Variants in IL1RAPL1 observed in about 807,000 individuals in gnomAD.
IL1RAPL1 encodes the protein interleukin-1 receptor accessory protein-like 1.
In IL1RAPL1, 3 loss-of-function variants were observed where a neutral mutation model predicts 48.4. That is an observed-to-expected ratio of 0.06 (90% CI 0.03 to 0.16). IL1RAPL1 has a LOEUF of 0.16. Ranked by LOEUF, IL1RAPL1 falls within the 10% of genes least tolerant of loss-of-function variation. IL1RAPL1 has a pLI of 1.00. For synonymous variants in IL1RAPL1, 185 were observed against 187.7 expected, an observed-to-expected ratio of 0.99 and a Z score of 0.12; for missense variants, 349 against 530.6, an observed-to-expected ratio of 0.66 and a Z score of 3.36.
intron 6 of IL1RAPL1, among the ~76,000 whole-genome samples, chrX:29,873,893 C>T (rs984819494): frequency 8.9e-6 from 1 of 111,959 alleles, no homozygotes; most frequent in African/African-American, 3.2e-5. Flanking sequence ...ACGAGGTTAT[C>T]TGTTAGTGCC....
chrX:29,651,759 G>C (rs770238543), intron 5 of IL1RAPL1, among the ~76,000 whole-genome samples: 1 of 111,736 alleles, frequency 8.9e-6, no homozygotes, highest in Non-Finnish European at 1.9e-5. Flanking sequence ...CAAATGCAGA[G>C]ACTGGATGTT....
At chrX:29,687,881 G>C (rs1926671541) in intron 6 of IL1RAPL1, among the ~76,000 whole-genome samples, 2 of 111,705 alleles carry the variant, frequency 1.8e-5, no homozygotes, top group Admixed American at 1.9e-4. Flanking sequence ...TGCTCTCCAT[G>C]TGAGGGAGCT....
intron 5 of IL1RAPL1, among the ~76,000 whole-genome samples, chrX:29,406,367 C>T (rs772696929): frequency 1.9e-5 from 2 of 103,990 alleles, no homozygotes; most frequent in Non-Finnish European, 4.0e-5. Flanking sequence ...CCAGACTGGG[C>T]GACAGAGCGA....
intron 3 of IL1RAPL1, among the ~76,000 whole-genome samples, chrX:29,375,499 T>C (rs1412053926): frequency 3.6e-5 from 4 of 111,170 alleles, no homozygotes; most frequent in African/African-American, 1.3e-4. Context: ...TGTGTTTGGC[T>C]TTCCTCCAAC....
At chrX:29,056,570 A>G (rs781116580) in intron 2 of IL1RAPL1, among the ~76,000 whole-genome samples, 1 of 111,911 alleles carries the variant, frequency 8.9e-6, no homozygotes, top group African/African-American at 3.2e-5. Context: ...ACTTCCACCA[A>G]ATTTTCTTCT....
At chrX:28,964,153 G>A (rs1924860191) in intron 2 of IL1RAPL1, among the ~76,000 whole-genome samples, 1 of 110,696 alleles carries the variant, frequency 9.0e-6, no homozygotes, top group African/African-American at 3.3e-5. Context: ...ATTCATCAGT[G>A]TAGAATGGTA....
At chrX:28,641,126 A>T (rs1056815346) in intron 1 of IL1RAPL1, among the ~76,000 whole-genome samples, 10 of 109,542 alleles carry the variant, frequency 9.1e-5, no homozygotes, top group African/African-American at 3.3e-4. Flanking sequence ...TAGGTTTCTT[A>T]CATAGGTATA....
intron 1 of IL1RAPL1, among the ~76,000 whole-genome samples, chrX:28,632,952 A>C (rs1279937693): frequency 1.1e-5 from 1 of 92,912 alleles, no homozygotes; most frequent in African/African-American, 4.3e-5. Context: ...GTGGTGGTGC[A>C]TTGTCTGCTC....
intron 2 of IL1RAPL1, among the ~76,000 whole-genome samples, chrX:29,039,998 C>T (rs1015278514): frequency 9.0e-6 from 1 of 111,243 alleles, no homozygotes; most frequent in African/African-American, 3.3e-5. Flanking sequence ...ATGCAGATAT[C>T]TGGGTCCTCT....
At chrX:29,810,943 C>G (rs1343276909) in intron 6 of IL1RAPL1, among the ~76,000 whole-genome samples, 1 of 111,898 alleles carries the variant, frequency 8.9e-6, no homozygotes, top group Non-Finnish European at 1.9e-5. Context: ...ACTTTTAAAA[C>G]ATGCTTACTT....
intron 2 of IL1RAPL1, among the ~76,000 whole-genome samples, chrX:29,169,711 CTAAA>C (rs1184466384): frequency 9.1e-6 from 1 of 110,457 alleles, no homozygotes; most frequent in East Asian, 2.8e-4. Context: ...TATTTGGAAA[CTAAA>C]TAAATAAACT....
chrX:28,784,018 T>A (rs1304931554), intron 1 of IL1RAPL1, among the ~76,000 whole-genome samples: 1 of 112,187 alleles, frequency 8.9e-6, no homozygotes, highest in Admixed American at 9.5e-5. Context: ...CACTCCATAA[T>A]TAAAAAAACA....
intron 2 of IL1RAPL1, among the ~76,000 whole-genome samples, chrX:29,274,627 A>G (rs1480282467): frequency 8.9e-6 from 1 of 112,499 alleles, no homozygotes; most frequent in Non-Finnish European, 1.9e-5. Context: ...AGAGCTCACA[A>G]TATGAAAAGG....
At chrX:29,819,832 G>C (rs962045291) in intron 6 of IL1RAPL1, among the ~76,000 whole-genome samples, 4 of 102,423 alleles carry the variant, frequency 3.9e-5, no homozygotes, top group Admixed American at 1.1e-4. Flanking sequence ...TTTAAGAGTG[G>C]GTTTCCATCA....
At chrX:29,714,487 A>C (rs1333366565) in intron 6 of IL1RAPL1, among the ~76,000 whole-genome samples, 1 of 112,123 alleles carries the variant, frequency 8.9e-6, no homozygotes, top group Non-Finnish European at 1.9e-5. Context: ...AACAAAGATG[A>C]AATAGTCTAT....
chrX:29,468,910 C>G (rs1004361850), intron 5 of IL1RAPL1, among the ~76,000 whole-genome samples: 1 of 111,795 alleles, frequency 8.9e-6, no homozygotes, highest in Admixed American at 9.5e-5. Flanking sequence ...AAATCACTTT[C>G]GTTAGCTACT....
chrX:29,919,748 G>A (rs1040002261), intron 7 of IL1RAPL1, among the ~76,000 whole-genome samples: 2 of 112,129 alleles, frequency 1.8e-5, no homozygotes, highest in South Asian at 7.3e-4. Flanking sequence ...AACTTCATTA[G>A]CATCTACAAA....
intron 2 of IL1RAPL1, among the ~76,000 whole-genome samples, chrX:28,815,857 ATATATATATATATATATATATATAT>A (rs1936860677): frequency 1.5e-5 from 1 of 68,214 alleles, no homozygotes; most frequent in African/African-American, 4.8e-5. Context: ...ATATATATAT[ATATATATATATATATATATATATAT>A]ATAATTTTTT....
chrX:29,443,231 G>GCGCTCTCTCT (rs746994199), intron 5 of IL1RAPL1, among the ~76,000 whole-genome samples: 1 of 93,964 alleles, frequency 1.1e-5, no homozygotes. Flanking sequence ...GCTCTCGCTT[G>GCGCTCTCTCT]CTCTCTCTCT....
Sources: gnomAD v4.1 joint callset for allele counts (sites outside exome capture counted in the v4.1 genomes callset) on GRCh38, gnomAD v4.1.1 for gene constraint, MANE v1.5 for transcripts, NCBI Gene and HGNC (gene_info 2026-07-23, HGNC 2026-07-21) for gene names.